The following PTPRN2 variants were observed in gnomAD, a reference collection of about 807,000 sequenced individuals.
PTPRN2 encodes protein tyrosine phosphatase receptor type N2, also known as receptor-type tyrosine-protein phosphatase N2.
In PTPRN2, 74 loss-of-function variants were observed where a neutral mutation model predicts 118.8. The ratio of observed to expected loss-of-function variants is 0.62; its 90% CI spans 0.52 to 0.76. The LOEUF is 0.76. PTPRN2 is among the 30% of genes least tolerant of loss of function. The pLI is 0.00. For missense variants in PTPRN2, 1,481 were observed against 1,394.4 expected (o/e 1.06, Z -0.99); for synonymous variants, 641 against 608.0 (o/e 1.05, Z -0.80).
chr7:157,691,059 T>C (rs1461312777), intron 12 of PTPRN2, among the ~76,000 whole-genome samples: 1 of 122,050 alleles, frequency 8.2e-6, no homozygotes, highest in Non-Finnish European at 1.7e-5. Context: ...CCGGTTGCTA[T>C]AGCGATGTCC....
chr7:158,310,714 C>T (rs1001835899), intron 3 of PTPRN2, among the ~76,000 whole-genome samples: 10 of 147,826 alleles, frequency 6.8e-5, no homozygotes, highest in Admixed American at 4.7e-4. Flanking sequence ...AGCCCTGAGC[C>T]GGACAGAGCG....
intron 11 of PTPRN2, among the ~76,000 whole-genome samples, chr7:157,989,799 G>GC (rs1336064456): frequency 6.6e-6 from 1 of 152,120 alleles, no homozygotes; most frequent in East Asian, 1.9e-4. Flanking sequence ...AAGGGAAGCA[G>GC]CATTGAGAGG....
chr7:157,902,154 CT>C (rs1286342173), intron 11 of PTPRN2, among the ~76,000 whole-genome samples: 1 of 152,254 alleles, frequency 6.6e-6, no homozygotes, highest in Non-Finnish European at 1.5e-5. Context: ...GGAATGAGTC[CT>C]TGTTTGTACT....
chr7:157,753,931 C>T (rs1227123478), intron 12 of PTPRN2, among the ~76,000 whole-genome samples: 3 of 152,256 alleles, frequency 2.0e-5, no homozygotes, highest in Non-Finnish European at 4.4e-5. Context: ...ACACCTGCCA[C>T]CAGGCCCAGC....
chr7:158,527,382 G>A (rs1238975231), intron 1 of PTPRN2, among the ~76,000 whole-genome samples: 2 of 152,206 alleles, frequency 1.3e-5, no homozygotes, highest in Non-Finnish European at 2.9e-5. Context: ...TCCGTGTCCA[G>A]TCCTTGGACG....
chr7:158,129,597 C>T (rs1818006678), intron 9 of PTPRN2, among the ~76,000 whole-genome samples: 1 of 151,968 alleles, frequency 6.6e-6, no homozygotes, highest in Non-Finnish European at 1.5e-5. Flanking sequence ...CACTACATTA[C>T]CACACACACA....
At chr7:158,149,003 T>C in intron 6 of PTPRN2, among the ~76,000 whole-genome samples, 1 of 129,666 alleles carries the variant, frequency 7.7e-6, no homozygotes. Flanking sequence ...TCTTTCCCCC[T>C]CAATGACATC....
intron 11 of PTPRN2, among the ~76,000 whole-genome samples, chr7:158,061,187 T>A (rs1425624060): frequency 1.3e-5 from 2 of 152,264 alleles, no homozygotes; most frequent in Non-Finnish European, 2.9e-5. Flanking sequence ...TTTGTTGTGA[T>A]GCATCGCAAA....
intron 3 of PTPRN2, among the ~76,000 whole-genome samples, chr7:158,245,415 C>T (rs910983311): frequency 6.6e-6 from 1 of 152,240 alleles, no homozygotes; most frequent in African/African-American, 2.4e-5. Flanking sequence ...AGGGGCTGCA[C>T]CAGGAATGCG....
At chr7:158,317,394 G>A (rs1231768782) in intron 2 of PTPRN2, among the ~76,000 whole-genome samples, 5 of 152,242 alleles carry the variant, frequency 3.3e-5, no homozygotes, top group Non-Finnish European at 7.3e-5. Flanking sequence ...CCTGGGCTGC[G>A]TGGGAGGCAA....
intron 5 of PTPRN2, among the ~76,000 whole-genome samples, chr7:158,168,715 G>A (rs1250998290): frequency 6.6e-6 from 1 of 152,130 alleles, no homozygotes; most frequent in Non-Finnish European, 1.5e-5. Flanking sequence ...AGTCTTTCAT[G>A]GGATTTCTGT....
intron 11 of PTPRN2, among the ~76,000 whole-genome samples, chr7:158,034,251 C>T (rs139382899): frequency 3.5e-4 from 52 of 147,010 alleles, no homozygotes; most frequent in African/African-American, 1.2e-3. Context: ...TGCTGAGGCC[C>T]GGGCAAGCAT....
rs181321995 is a variant in PTPRN2, at chr7:158,057,751, C to T, written c.1723+23547G>A. Among the ~76,000 whole-genome samples the T allele has an allele frequency of 4.8e-3, 731 of 152,242 alleles. 8 individuals are homozygous for T. The highest frequency in any genetic ancestry group is 0.017 in the African/African-American group (698 of 41,534). Reference sequence around the variant, plus strand: ...CCCGCCACTCCCCAAAGCTCCTCAGCGTGGCTGCTTGGGACCCCTCATCTG... The same window carrying T: ...CCCGCCACTCCCCAAAGCTCCTCAGTGTGGCTGCTTGGGACCCCTCATCTG... On this transcript the variant is annotated intron_variant, in intron 11 of 22. Coordinates refer to ENST00000389418, the MANE Select transcript of PTPRN2 (RefSeq NM_002847.5).
chr7:158,111,874 G>A (rs1213601646), intron 9 of PTPRN2, among the ~76,000 whole-genome samples: 1 of 152,204 alleles, frequency 6.6e-6, no homozygotes, highest in Non-Finnish European at 1.5e-5. Flanking sequence ...TGGAAATAGG[G>A]CTATCATAGA....
chr7:157,692,260 C>T (rs1797540276), intron 12 of PTPRN2, among the ~76,000 whole-genome samples: 1 of 152,136 alleles, frequency 6.6e-6, no homozygotes, highest in South Asian at 2.1e-4. Flanking sequence ...GCGCCCGCTC[C>T]CGGCCCCTCC....
chr7:157,842,509 T>G (rs1808503961), intron 12 of PTPRN2, among the ~76,000 whole-genome samples: 1 of 148,918 alleles, frequency 6.7e-6, no homozygotes, highest in African/African-American at 2.5e-5. Context: ...CCACCTCCCG[T>G]ATTCAAGTGA....
rs1804125474 is a variant in PTPRN2 at position 157,990,070 on chromosome 7, A to G, written c.1723+91228T>C. On this transcript the variant is annotated intron_variant, in intron 11 of 22. Coordinates refer to ENST00000389418, the MANE Select transcript of PTPRN2 (RefSeq NM_002847.5). The surrounding 1 kb of genome is among the most constrained non-coding windows in gnomAD (Gnocchi z 4.3). ...TATTTCTCAACAAAACCTGCCCTCC[A>G]TCCCTCTATGAAGAAAAATGCAAGT... is the stretch of plus-strand genomic sequence containing the variant. Among the ~76,000 whole-genome samples, 3 of 152,104 alleles carry G rather than the reference A, an allele frequency of 2.0e-5. No individual in the cohort carries two copies. The South Asian group carries it at 6.2e-4, about 32-fold the overall frequency.
At chr7:157,657,795 G>A (rs55941541) in intron 13 of PTPRN2, among the ~76,000 whole-genome samples, 79 of 1,540 alleles carry the variant, frequency 0.051, 13 homozygotes, top group Non-Finnish European at 0.095. Flanking sequence ...ACACACAAAC[G>A]CCACACACAC....
chr7:158,348,878 C>A (rs1169952658), intron 2 of PTPRN2, among the ~76,000 whole-genome samples: 1 of 151,600 alleles, frequency 6.6e-6, no homozygotes, highest in East Asian at 1.9e-4. Context: ...CGTCACTGCA[C>A]CCCTGGGTGG....
Sources: allele counts gnomAD v4.1 joint callset (sites outside exome capture counted in the v4.1 genomes callset), GRCh38; gene constraint gnomAD v4.1.1; non-coding constraint Gnocchi (gnomAD v3.1); transcripts MANE v1.5; gene names NCBI Gene and HGNC (gene_info 2026-07-23, HGNC 2026-07-21).